Variants in CNTN4 observed in about 807,000 individuals in gnomAD.
The protein encoded by CNTN4 is contactin 4, also known as contactin-4.
CNTN4 carries 77 observed loss-of-function variants against 122.5 expected under a neutral mutation model. The ratio of observed to expected loss-of-function variants is 0.63; its 90% confidence interval spans 0.52 to 0.76. The LOEUF (loss-of-function observed/expected upper bound fraction) is 0.76. CNTN4 is among the 30% of genes least tolerant of loss of function. The pLI is 0.00. For missense variants in CNTN4, 1,256 were observed against 1,259.1 expected (o/e 1.00, Z 0.04); for synonymous variants, 512 against 447.0 (o/e 1.15, Z -1.83).
chr3:2,501,199 T>C (rs1327988566), intron 3 of CNTN4, among the ~76,000 whole-genome samples: 1 of 152,186 alleles, frequency 6.6e-6, no homozygotes, highest in Non-Finnish European at 1.5e-5. Context: ...CCATTCATTT[T>C]TGTGAGGTTT....
At chr3:2,658,166 G>A (rs1291018229) in intron 4 of CNTN4, among the ~76,000 whole-genome samples, 2 of 151,578 alleles carry the variant, frequency 1.3e-5, no homozygotes, top group African/African-American at 4.9e-5. Context: ...GGACCCACAG[G>A]AAGTTCGCAC....
At chr3:3,042,213 C>G in intron 20 of CNTN4, 97 bp from the exon 21 acceptor site, 1 of 923,246 alleles carries the variant, frequency 1.1e-6, no homozygotes, top group East Asian at 2.5e-5. Context: ...AAGGACGATT[C>G]TATAACCATG....
chr3:2,221,966 G>A (rs1323233636), intron 2 of CNTN4, among the ~76,000 whole-genome samples: 1 of 152,146 alleles, frequency 6.6e-6, no homozygotes, highest in African/African-American at 2.4e-5. Flanking sequence ...ATAAAATAAT[G>A]CAGCCAATTT....
At chr3:2,425,330 C>G (rs1484686521) in intron 3 of CNTN4, among the ~76,000 whole-genome samples, 13 of 152,036 alleles carry the variant, frequency 8.6e-5, no homozygotes, top group Admixed American at 1.3e-4. Context: ...AATAGGGAAT[C>G]CTTTCCCTAT....
At chr3:2,236,094 A>ATAAG (rs1230307854) in intron 2 of CNTN4, among the ~76,000 whole-genome samples, 1 of 152,212 alleles carries the variant, frequency 6.6e-6, no homozygotes, top group Non-Finnish European at 1.5e-5. Context: ...ATAAGGTACT[A>ATAAG]TAAGTTGTAC....
At chr3:3,036,514 G>A (rs886080702) in intron 17 of CNTN4, among the ~76,000 whole-genome samples, 4 of 152,108 alleles carry the variant, frequency 2.6e-5, no homozygotes, top group African/African-American at 9.7e-5. Flanking sequence ...TGTCATCCCA[G>A]CACTTTGATA....
At chr3:2,755,922 C>A (rs545271876) in intron 6 of CNTN4, among the ~76,000 whole-genome samples, 1 of 151,942 alleles carries the variant, frequency 6.6e-6, no homozygotes, top group Admixed American at 6.6e-5. Context: ...CTTTTTGTTT[C>A]GTTGTTATGA....
intron 4 of CNTN4, among the ~76,000 whole-genome samples, chr3:2,731,475 G>A (rs2088677117): frequency 6.6e-6 from 1 of 152,114 alleles, no homozygotes; most frequent in African/African-American, 2.4e-5. Flanking sequence ...TAACAGTATT[G>A]GTGCCTGCAC....
At chr3:2,730,213 A>G (rs2088580134) in intron 4 of CNTN4, among the ~76,000 whole-genome samples, 1 of 152,214 alleles carries the variant, frequency 6.6e-6, no homozygotes, top group South Asian at 2.1e-4. Context: ...CATGAAAATC[A>G]TTAATGTTTC....
rs76791734 is a variant in CNTN4, at chr3:2,261,663, T to C, written c.-144-77515T>C. On this transcript the variant is annotated intron_variant, in intron 2 of 24. Coordinates refer to ENST00000418658, the MANE Select transcript of CNTN4 (RefSeq NM_175607.3). ...CTGCAGAATTTCAGTTTGAAACGGT[T>C]CTAAAATTCTATGGAATAGTGAAGG... Among the ~76,000 whole-genome samples the C allele has an allele frequency of 5.4e-3, 816 of 152,278 alleles. 12 individuals are homozygous for C. The highest frequency in any genetic ancestry group is 0.019 in the African/African-American group (776 of 41,560).
intron 3 of CNTN4, among the ~76,000 whole-genome samples, chr3:2,408,668 G>C (rs1396636568): frequency 6.6e-6 from 1 of 152,138 alleles, no homozygotes; most frequent in Non-Finnish European, 1.5e-5. Flanking sequence ...AAGAGCAGAA[G>C]TGACCTATCA....
intron 3 of CNTN4, among the ~76,000 whole-genome samples, chr3:2,510,899 A>G (rs2076868194): frequency 6.6e-6 from 1 of 152,106 alleles, no homozygotes; most frequent in South Asian, 2.1e-4. Flanking sequence ...TTAGAATACT[A>G]GATGTCCCAA....
chr3:2,576,872 A>T (rs1436526251), intron 4 of CNTN4, among the ~76,000 whole-genome samples: 1 of 152,050 alleles, frequency 6.6e-6, no homozygotes, highest in Non-Finnish European at 1.5e-5. Flanking sequence ...TCTGACTTTA[A>T]CTATAGCTGG....
intron 2 of CNTN4, among the ~76,000 whole-genome samples, chr3:2,284,075 G>A (rs2041820372): frequency 6.6e-6 from 1 of 151,798 alleles, no homozygotes; most frequent in Admixed American, 6.6e-5. Flanking sequence ...AAAAAGGAAA[G>A]GAAAAAGAGG....
At chr3:2,678,785 G>C (rs1329779312) in intron 4 of CNTN4, among the ~76,000 whole-genome samples, 2 of 152,188 alleles carry the variant, frequency 1.3e-5, no homozygotes, top group African/African-American at 4.8e-5. Context: ...GACAGGAAAA[G>C]AGCTGTATGT....
At chr3:2,120,571 T>C (rs151062748) in intron 2 of CNTN4, among the ~76,000 whole-genome samples, 1,723 of 150,774 alleles carry the variant, frequency 0.011, 23 homozygotes, top group African/African-American at 0.04. Flanking sequence ...CCCAGCTAAT[T>C]TTTGTATTTT....
chr3:2,688,286 C>A (rs2085542760), intron 4 of CNTN4, among the ~76,000 whole-genome samples: 1 of 152,012 alleles, frequency 6.6e-6, no homozygotes, highest in Non-Finnish European at 1.5e-5. Flanking sequence ...GTTTTTTCCC[C>A]AAACACAGTT....
chr3:2,724,089 T>C (rs1028722625), intron 4 of CNTN4, among the ~76,000 whole-genome samples: 1 of 152,196 alleles, frequency 6.6e-6, no homozygotes, highest in Non-Finnish European at 1.5e-5. Context: ...ATAGGGGTTA[T>C]CTTTTGAGGA....
chr3:2,482,416 C>G (rs1454729992), intron 3 of CNTN4, among the ~76,000 whole-genome samples: 1 of 151,704 alleles, frequency 6.6e-6, no homozygotes, highest in African/African-American at 2.4e-5. Flanking sequence ...AAATTTGCAG[C>G]CTGATGATGT....
Sources: allele counts gnomAD v4.1 joint callset (sites outside exome capture counted in the v4.1 genomes callset), GRCh38; gene constraint gnomAD v4.1.1; transcripts MANE v1.5; gene names NCBI Gene and HGNC (gene_info 2026-07-23, HGNC 2026-07-21).